FBP2: variants seen among roughly 807,000 people sequenced by gnomAD.
The protein encoded by FBP2 is fructose-1,6-bisphosphatase isozyme 2.
Under a neutral mutation model 31.6 loss-of-function variants are expected in FBP2, and 27 were observed. That is an observed-to-expected ratio of 0.85 (90% confidence interval 0.63 to 1.18). The LOEUF (loss-of-function observed/expected upper bound fraction) is 1.18, where lower values mean the gene tolerates loss of function less well. Ranked by LOEUF, FBP2 falls within the 50% of genes most tolerant of loss-of-function variation. The pLI is 0.00. For missense variants in FBP2, 421 were observed against 436.1 expected, an observed-to-expected ratio of 0.97 and a Z score of 0.31; for synonymous variants, 168 against 179.8, an observed-to-expected ratio of 0.93 and a Z score of 0.53.
rs201631172 is a variant in FBP2 at position 94,567,272 on chromosome 9, C to G, written c.703G>C (p.Glu235Gln). 4 of 1,614,140 alleles carry G rather than the reference C, an allele frequency of 2.5e-6. No individual in the cohort carries two copies. The highest frequency in any genetic ancestry group is 3.3e-5 in the Admixed American group (2 of 60,018). Reference sequence around the variant, plus strand: ...CCCACCTGGCTTTCTTCACTCACCTCAGGGAATTTCTTTTTCTGCACATAT... The same window carrying G: ...CCCACCTGGCTTTCTTCACTCACCTGAGGGAATTTCTTTTTCTGCACATAT... ...TEYVQKKKFP[E>Q]DGSAPYGARY... Residue 235 changes from glutamate (E) to glutamine (Q), a missense_variant and splice_region_variant, in exon 5 of 7, where the codon GAG becomes CAG. Glu to Gln is a conservative substitution (Grantham distance 29, BLOSUM62 2). Coordinates refer to ENST00000375337, the MANE Select transcript of FBP2 (RefSeq NM_003837.4).
chr9:94,577,812 C>A (rs1315498472), intron 3 of FBP2: 1 of 152,176 alleles, frequency 6.6e-6, no homozygotes, highest in African/African-American at 2.4e-5. Flanking sequence ...GTTTGTGATG[C>A]TATCTCATGA....
intron 1 of FBP2, among the ~76,000 whole-genome samples, chr9:94,589,676 A>C (rs1827468605): frequency 1.3e-5 from 2 of 152,122 alleles, no homozygotes; most frequent in Non-Finnish European, 2.9e-5. Context: ...GATCTACCTT[A>C]AGCTGGGGGC....
intron 3 of FBP2, chr9:94,577,276 T>C (rs1345772798): frequency 2.0e-5 from 3 of 152,278 alleles, no homozygotes; most frequent in African/African-American, 7.2e-5. Context: ...TCTCTTTCTT[T>C]TCTTTTTCTC....
intron 6 of FBP2, among the ~76,000 whole-genome samples, chr9:94,562,635 C>G (rs1019018431): frequency 1.3e-5 from 2 of 152,136 alleles, no homozygotes; most frequent in Non-Finnish European, 2.9e-5. Context: ...TCAGAGAAAA[C>G]AGAGGCCTTT....
At chr9:94,586,386 AAAATAAATAAAT>A (rs1439094363) in intron 2 of FBP2, among the ~76,000 whole-genome samples, 1 of 152,292 alleles carries the variant, frequency 6.6e-6, no homozygotes, top group African/African-American at 2.4e-5. Flanking sequence ...CCGTCTCAAA[AAAATAAATAAAT>A]AAGTAAATAA....
intron 2 of FBP2, 130 bp from the exon 3 acceptor site, chr9:94,584,799 A>C (rs1827409895): frequency 6.2e-6 from 4 of 648,598 alleles, no homozygotes; most frequent in Non-Finnish European, 1.1e-5. Context: ...TATCTTTATC[A>C]AAAAACACCA....
intron 5 of FBP2, among the ~76,000 whole-genome samples, chr9:94,563,920 A>G (rs1827147183): frequency 6.6e-6 from 1 of 152,224 alleles, no homozygotes; most frequent in African/African-American, 2.4e-5. Context: ...TAAAGGGCTC[A>G]ATTCAACAAG....
intron 3 of FBP2, 121 bp from the exon 4 acceptor site, chr9:94,571,723 A>G: frequency 1.1e-6 from 1 of 896,088 alleles, no homozygotes; most frequent in Non-Finnish European, 1.6e-6. Flanking sequence ...TTGAATTTTA[A>G]GCTGCTGCAA....
intron 4 of FBP2, chr9:94,569,595 G>A (rs1180152518): frequency 6.6e-6 from 1 of 152,218 alleles, no homozygotes; most frequent in African/African-American, 2.4e-5. Context: ...TATTAACCTG[G>A]AAAATGTGTT....
chr9:94,574,355 A>G (rs1827297045), intron 3 of FBP2, among the ~76,000 whole-genome samples: 1 of 152,170 alleles, frequency 6.6e-6, no homozygotes, highest in East Asian at 1.9e-4. Flanking sequence ...AACTTTGTCA[A>G]TTTGACAGGT....
chr9:94,587,311 T>A lies in FBP2; in HGVS notation c.329A>T (p.Lys110Met), dbSNP rs760053582. The A allele has an allele frequency of 6.2e-7, 1 of 1,609,860 alleles. No individual in the cohort carries two copies. The highest frequency in any genetic ancestry group is 8.5e-7 in the Non-Finnish European group (1 of 1,178,886). ...NKDAIITAKEKRGKYVVCFDP... is the reference protein window; with the variant it reads ...NKDAIITAKEMRGKYVVCFDP... ...CACCGCAGCCCCATGACGCACCCGC[T>A]TCTCCTTGGCGGTGATGATGGCGTC... The change falls in exon 2 of 7, where the codon AAG becomes ATG. Residue 110 changes from lysine to methionine, a missense_variant. Lys to Met is a moderately conservative substitution (Grantham distance 95, BLOSUM62 -1). Coordinates refer to ENST00000375337, the MANE Select transcript of FBP2 (RefSeq NM_003837.4).
chr9:94,579,291 A>G (rs1273850391), intron 3 of FBP2, among the ~76,000 whole-genome samples: 1 of 148,510 alleles, frequency 6.7e-6, no homozygotes, highest in Non-Finnish European at 1.5e-5. Context: ...CCAGCTACTC[A>G]GGAGGCTGAG....
chr9:94,562,126 A>G (rs1827116054), intron 6 of FBP2, among the ~76,000 whole-genome samples: 1 of 151,930 alleles, frequency 6.6e-6, no homozygotes. Flanking sequence ...CCTGGCTAAC[A>G]TGGTGAAACC....
At chr9:94,564,341 T>A (rs981736206) in intron 5 of FBP2, among the ~76,000 whole-genome samples, 1 of 152,190 alleles carries the variant, frequency 6.6e-6, no homozygotes, top group South Asian at 2.1e-4. Flanking sequence ...AATCATTCTA[T>A]TGTAAAGACA....
intron 5 of FBP2, among the ~76,000 whole-genome samples, chr9:94,564,174 A>C (rs553145941): frequency 1.1e-4 from 17 of 152,248 alleles, no homozygotes; most frequent in Non-Finnish European, 2.5e-4. Context: ...AACCAGAAAA[A>C]TATACATTCT....
At chr9:94,591,324 C>A (rs917339717) in intron 1 of FBP2, among the ~76,000 whole-genome samples, 2 of 152,242 alleles carry the variant, frequency 1.3e-5, no homozygotes, top group Non-Finnish European at 2.9e-5. Flanking sequence ...AGAAATCGAG[C>A]GCAGCGCCAG....
At chr9:94,572,680 C>T (rs1302483195) in intron 3 of FBP2, among the ~76,000 whole-genome samples, 1 of 151,986 alleles carries the variant, frequency 6.6e-6, no homozygotes, top group Non-Finnish European at 1.5e-5. Flanking sequence ...CAATCCAGTC[C>T]ACAGATATTG....
intron 3 of FBP2, among the ~76,000 whole-genome samples, chr9:94,572,294 A>G (rs75221144): frequency 2.0e-5 from 3 of 152,154 alleles, no homozygotes; most frequent in East Asian, 3.9e-4. Flanking sequence ...TAGCTGCTAC[A>G]TTTGTATTGA....
At chr9:94,583,854 G>A (rs113971372) in intron 3 of FBP2, among the ~76,000 whole-genome samples, 4,325 of 152,248 alleles carry the variant, frequency 0.028, 185 homozygotes, top group East Asian at 0.15. Flanking sequence ...TGATCCGCCC[G>A]CCTCAGCCTC....
Sources: gnomAD v4.1 joint callset for allele counts (sites outside exome capture counted in the v4.1 genomes callset) on GRCh38, gnomAD v4.1.1 for gene constraint, MANE v1.5 for transcripts, NCBI Gene and HGNC (gene_info 2026-07-23, HGNC 2026-07-21) for gene names.